The following CFAP96 variants were observed in gnomAD, a reference collection of about 807,000 sequenced individuals.
CFAP96 encodes cilia-and flagella-associated protein 96.
chr4:185,448,726 T>C, the CFAP96 span, among the ~76,000 whole-genome samples: 1 of 152,182 alleles, frequency 6.6e-6, no homozygotes, highest in South Asian at 2.1e-4. Flanking sequence ...AAACAGACAG[T>C]AAAATTAGAA....
the CFAP96 span, chr4:185,415,184 G>C: frequency 5.0e-6 from 8 of 1,602,096 alleles, no homozygotes; most frequent in South Asian, 3.4e-5. Context: ...TGGCCATCTG[G>C]TATTCCTGAA....
At chr4:185,432,425 A>G in the CFAP96 span, among the ~76,000 whole-genome samples, 4 of 152,348 alleles carry the variant, frequency 2.6e-5, no homozygotes, top group East Asian at 3.9e-4. Context: ...CTATATCACT[A>G]TGCTCTATTT....
At chr4:185,426,471 G>A in the CFAP96 span, 1 of 152,892 alleles carries the variant, frequency 6.5e-6, no homozygotes, top group Admixed American at 6.5e-5. Flanking sequence ...TTCCTCTCTG[G>A]GAAACAGACT....
At chr4:185,411,132 T>A in the CFAP96 span, among the ~76,000 whole-genome samples, 132,976 of 149,096 alleles carry the variant, frequency 0.89, 59,390 homozygotes, top group East Asian at 0.99. Context: ...TTTTTTTTTT[T>A]AAAAGACACA....
At chr4:185,443,990 A>G in the CFAP96 span, among the ~76,000 whole-genome samples, 1 of 95,318 alleles carries the variant, frequency 1.0e-5, no homozygotes, top group African/African-American at 4.1e-5. Flanking sequence ...TCTGTTGCCC[A>G]GGCCGGACTG....
the CFAP96 span, among the ~76,000 whole-genome samples, chr4:185,413,206 G>A: frequency 6.6e-6 from 1 of 152,124 alleles, no homozygotes; most frequent in Non-Finnish European, 1.5e-5. Flanking sequence ...TGGCCAACAT[G>A]GTGAAACCCT....
the CFAP96 span, chr4:185,436,483 G>A: frequency 1.6e-6 from 1 of 642,484 alleles, no homozygotes; most frequent in South Asian, 1.7e-5. Context: ...TGGCCGAGAT[G>A]GGCGGATCAC....
At chr4:185,443,973 G>C in the CFAP96 span, among the ~76,000 whole-genome samples, 8 of 60,166 alleles carry the variant, frequency 1.3e-4, 1 homozygote, top group African/African-American at 5.1e-4. Flanking sequence ...TTGAGACGGA[G>C]TCTCGCTCTG....
chr4:185,444,949 C>T, the CFAP96 span: 1 of 1,541,346 alleles, frequency 6.5e-7, no homozygotes, highest in South Asian at 1.2e-5. Flanking sequence ...TAAGTTGTCT[C>T]GTTTTTCTTC....
At chr4:185,411,635 T>A in the CFAP96 span, among the ~76,000 whole-genome samples, 2 of 152,180 alleles carry the variant, frequency 1.3e-5, no homozygotes, top group African/African-American at 4.8e-5. Context: ...GTAAATAATA[T>A]ATCTATAATT....
the CFAP96 span, chr4:185,418,841 CA>C: frequency 8.2e-7 from 1 of 1,220,486 alleles, no homozygotes; most frequent in Non-Finnish European, 1.1e-6. Context: ...CAAACATACA[CA>C]AAAGTAGAGC....
At chr4:185,440,954 T>C in the CFAP96 span, among the ~76,000 whole-genome samples, 1 of 40,996 alleles carries the variant, frequency 2.4e-5, no homozygotes, top group Non-Finnish European at 7.6e-5. Context: ...TTTGAATTTA[T>C]AATTTTTTTT....
At chr4:185,413,529 A>G in the CFAP96 span, among the ~76,000 whole-genome samples, 1 of 152,244 alleles carries the variant, frequency 6.6e-6, no homozygotes, top group Non-Finnish European at 1.5e-5. Context: ...TAAATGTGGT[A>G]TATCTACCTA....
At chr4:185,427,082 A>G in the CFAP96 span, among the ~76,000 whole-genome samples, 1 of 151,360 alleles carries the variant, frequency 6.6e-6, no homozygotes, top group Non-Finnish European at 1.5e-5. Context: ...AAAAAAAATT[A>G]ATAAGAAAAA....
At chr4:185,433,795 G>A in the CFAP96 span, among the ~76,000 whole-genome samples, 3 of 152,090 alleles carry the variant, frequency 2.0e-5, no homozygotes, top group Admixed American at 1.3e-4. Context: ...CCAGCTACTC[G>A]GGAGGCTGAG....
the CFAP96 span, among the ~76,000 whole-genome samples, chr4:185,433,762 C>T: frequency 6.6e-6 from 1 of 152,036 alleles, no homozygotes; most frequent in Non-Finnish European, 1.5e-5. Flanking sequence ...ATTAGCCGGG[C>T]GTGGTGGTGG....
At chr4:185,418,595 G>A in the CFAP96 span, 1 of 1,613,068 alleles carries the variant, frequency 6.2e-7, no homozygotes, top group Admixed American at 1.7e-5. Flanking sequence ...ACTGAATAAA[G>A]CGCAGTATGT....
chr4:185,428,185 TA>T, the CFAP96 span, among the ~76,000 whole-genome samples: 2 of 152,110 alleles, frequency 1.3e-5, no homozygotes, highest in South Asian at 4.1e-4. Flanking sequence ...GCTTAGCTCA[TA>T]ATTGGTGCTT....
chr4:185,408,675 TC>T, the CFAP96 span, among the ~76,000 whole-genome samples: 1 of 152,102 alleles, frequency 6.6e-6, no homozygotes, highest in African/African-American at 2.4e-5. Context: ...CAATTTCATC[TC>T]CTAAACTTTT....
Sources: allele counts gnomAD v4.1 joint callset (sites outside exome capture counted in the v4.1 genomes callset), GRCh38; gene constraint gnomAD v4.1.1; transcripts MANE v1.5; gene names NCBI Gene and HGNC (gene_info 2026-07-23, HGNC 2026-07-21).